Variants in NKAIN2 observed in about 807,000 individuals in gnomAD.
The protein encoded by NKAIN2 is sodium/potassium transporting ATPase interacting 2.
Under a neutral mutation model 32.6 loss-of-function variants are expected in NKAIN2, and 14 were observed. That is an observed-to-expected ratio of 0.43 (90% CI 0.28 to 0.67). NKAIN2 has a LOEUF of 0.67. NKAIN2 is among the 30% of genes least tolerant of loss of function. NKAIN2 has a pLI of 0.17. For synonymous variants in NKAIN2, 80 were observed against 87.2 expected, an observed-to-expected ratio of 0.92 and a Z score of 0.46; for missense variants, 198 against 258.3, an observed-to-expected ratio of 0.77 and a Z score of 1.60.
chr6:124,337,105 A>G (rs1329003292), intron 2 of NKAIN2, among the ~76,000 whole-genome samples: 4 of 152,226 alleles, frequency 2.6e-5, no homozygotes, highest in Admixed American at 6.5e-5. Flanking sequence ...GGAAAATACA[A>G]AGCTGCAAAG....
At chr6:124,584,820 A>G (rs1781653317) in intron 3 of NKAIN2, among the ~76,000 whole-genome samples, 1 of 151,068 alleles carries the variant, frequency 6.6e-6, no homozygotes, top group South Asian at 2.1e-4. Context: ...GCTGGTGATT[A>G]TGTGGAGAAA....
intron 1 of NKAIN2, among the ~76,000 whole-genome samples, chr6:123,921,963 T>A (rs1775777004): frequency 6.6e-6 from 1 of 152,016 alleles, no homozygotes; most frequent in African/African-American, 2.4e-5. Flanking sequence ...GTTGATGAAC[T>A]TTAGAGAGTG....
At chr6:124,643,234 G>A (rs1013143667) in intron 3 of NKAIN2, among the ~76,000 whole-genome samples, 22 of 152,092 alleles carry the variant, frequency 1.4e-4, no homozygotes, top group African/African-American at 2.2e-4. Flanking sequence ...CAATCTAGCC[G>A]CAGTTTATCT....
chr6:124,817,755 CTTA>C (rs1781230723), intron 5 of NKAIN2, among the ~76,000 whole-genome samples: 1 of 152,138 alleles, frequency 6.6e-6, no homozygotes, highest in Non-Finnish European at 1.5e-5. Context: ...CACAGTAACT[CTTA>C]TTATATCTTA....
At chr6:124,073,867 G>T (rs1049962905) in intron 1 of NKAIN2, among the ~76,000 whole-genome samples, 1 of 151,934 alleles carries the variant, frequency 6.6e-6, no homozygotes. Context: ...AAACAATTGG[G>T]GGTTCTTAGT....
chr6:124,737,628 A>C (rs994780153), intron 4 of NKAIN2, among the ~76,000 whole-genome samples: 1 of 151,916 alleles, frequency 6.6e-6, no homozygotes, highest in Non-Finnish European at 1.5e-5. Flanking sequence ...AAATGTAAGA[A>C]AGTTTGGAAC....
intron 3 of NKAIN2, among the ~76,000 whole-genome samples, chr6:124,563,692 C>CT (rs1231865988): frequency 6.6e-6 from 1 of 152,178 alleles, no homozygotes; most frequent in Non-Finnish European, 1.5e-5. Flanking sequence ...GAGTCTCACT[C>CT]TGTCACCCAG....
chr6:123,855,686 T>G (rs926234533), intron 1 of NKAIN2, among the ~76,000 whole-genome samples: 1 of 152,224 alleles, frequency 6.6e-6, no homozygotes, highest in African/African-American at 2.4e-5. Context: ...GATATGCTGG[T>G]GTTTTTGCAT....
chr6:124,630,150 A>G (rs1008940368), intron 3 of NKAIN2, among the ~76,000 whole-genome samples: 1 of 152,170 alleles, frequency 6.6e-6, no homozygotes, highest in African/African-American at 2.4e-5. Flanking sequence ...TGGTATTTAG[A>G]AGTATATACG....
intron 4 of NKAIN2, among the ~76,000 whole-genome samples, chr6:124,671,871 T>C (rs1261505373): frequency 6.6e-6 from 1 of 152,026 alleles, no homozygotes; most frequent in Non-Finnish European, 1.5e-5. Flanking sequence ...AATTAAATTA[T>C]AGATGACTCT....
At chr6:124,720,948 A>G (rs1009106374) in intron 4 of NKAIN2, among the ~76,000 whole-genome samples, 6 of 152,222 alleles carry the variant, frequency 3.9e-5, no homozygotes, top group African/African-American at 1.4e-4. Context: ...ACTAGTTGCC[A>G]TTTTAGTCAT....
chr6:124,134,063 A>G (rs1786610200), intron 1 of NKAIN2, among the ~76,000 whole-genome samples: 1 of 152,042 alleles, frequency 6.6e-6, no homozygotes, highest in African/African-American at 2.4e-5. Flanking sequence ...AAGAATTCAG[A>G]AGGCTGACTA....
intron 2 of NKAIN2, among the ~76,000 whole-genome samples, chr6:124,299,292 A>T (rs1796199004): frequency 6.6e-6 from 1 of 152,230 alleles, no homozygotes; most frequent in Non-Finnish European, 1.5e-5. Flanking sequence ...TCTAAAATTC[A>T]CTTTGGAAAT....
At chr6:123,940,271 C>T (rs1776752494) in intron 1 of NKAIN2, among the ~76,000 whole-genome samples, 1 of 151,736 alleles carries the variant, frequency 6.6e-6, no homozygotes, top group South Asian at 2.1e-4. Flanking sequence ...GAATGCCCTA[C>T]ACTTACATGT....
intron 3 of NKAIN2, among the ~76,000 whole-genome samples, chr6:124,379,009 C>T (rs1283087928): frequency 6.8e-6 from 1 of 147,916 alleles, no homozygotes; most frequent in Non-Finnish European, 1.5e-5. Context: ...GGAGGATGAC[C>T]TGGGCCCAGG....
At chr6:124,751,698 G>T (rs1486482112) in intron 4 of NKAIN2, among the ~76,000 whole-genome samples, 1 of 151,746 alleles carries the variant, frequency 6.6e-6, no homozygotes, top group Non-Finnish European at 1.5e-5. Context: ...AGAGATTTAG[G>T]CCAGGCACCA....
intron 3 of NKAIN2, among the ~76,000 whole-genome samples, chr6:124,610,329 A>G (rs1282962418): frequency 6.6e-6 from 1 of 152,250 alleles, no homozygotes; most frequent in African/African-American, 2.4e-5. Context: ...CAGTCAAAAT[A>G]TGTCAATTTC....
chr6:124,710,860 T>C (rs916298855), intron 4 of NKAIN2, among the ~76,000 whole-genome samples: 2 of 151,454 alleles, frequency 1.3e-5, no homozygotes, highest in Admixed American at 6.6e-5. Context: ...TGTGTGAATT[T>C]GATCCTGTCA....
intron 1 of NKAIN2, among the ~76,000 whole-genome samples, chr6:124,163,692 T>C (rs928046625): frequency 1.3e-5 from 2 of 151,864 alleles, no homozygotes; most frequent in African/African-American, 2.4e-5. Flanking sequence ...ATTTATTGCA[T>C]TGAAAAAATT....
Sources: gnomAD v4.1 joint callset for allele counts (sites outside exome capture counted in the v4.1 genomes callset) on GRCh38, gnomAD v4.1.1 for gene constraint, MANE v1.5 for transcripts, NCBI Gene and HGNC (gene_info 2026-07-23, HGNC 2026-07-21) for gene names.